TCP11L2: variants seen among roughly 807,000 people sequenced by gnomAD.
TCP11L2 encodes t-complex 11 like 2, also known as T-complex protein 11-like protein 2.
TCP11L2 carries 39 observed loss-of-function variants against 50.7 expected under a neutral mutation model. The ratio of observed to expected loss-of-function variants is 0.77; its 90% confidence interval spans 0.60 to 1.01. The LOEUF (loss-of-function observed/expected upper bound fraction) is 1.01, where lower values mean the gene tolerates loss of function less well. TCP11L2 is among the 50% of genes least tolerant of loss of function. The pLI, the probability that TCP11L2 is intolerant of heterozygous loss-of-function variation, is 0.00. For missense variants in TCP11L2, 612 were observed against 614.7 expected, an observed-to-expected ratio of 1.00 and a Z score of 0.05; for synonymous variants, 192 against 219.3, an observed-to-expected ratio of 0.88 and a Z score of 1.10.
chr12:106,340,822 A>G lies in TCP11L2; in HGVS notation c.1143-4A>G, dbSNP rs2036071552. On this transcript the variant is annotated splice_polypyrimidine_tract_variant and splice_region_variant and intron_variant, in intron 8 of 9. Transcript: ENST00000299045. Reference sequence around the variant, plus strand: ...CTGGTGGAATTTCATTTTATGTTTCATAGGACCTTTAACTTGAAGGAAGTC... The same window carrying G: ...CTGGTGGAATTTCATTTTATGTTTCGTAGGACCTTTAACTTGAAGGAAGTC... 1 of 1,580,766 alleles carries G rather than the reference A, an allele frequency of 6.3e-7. No individual in the cohort carries two copies. Among genetic ancestry groups the G allele is most frequent in the Non-Finnish European group, 8.6e-7 (1 of 1,169,286 alleles).
In TCP11L2 at chr12:106,321,647, C is replaced by G. The variant is rs368190626; in HGVS notation, c.576C>G (p.Pro192=). 3.1e-6 allele frequency: 5 copies of G among 1,614,000 alleles called. No homozygotes were observed. The African/African-American group carries it at 5.3e-5, about 17-fold the overall frequency. ...VISTMGKLCA[P]VRDNDIRELK... ...GTACGATGGGAAAGCTGTGTGCTCCCGTGCGAGATAATGATATCAGAGAGT... is the reference window on the plus strand; with the variant it reads ...GTACGATGGGAAAGCTGTGTGCTCCGGTGCGAGATAATGATATCAGAGAGT... The change falls in exon 5 of 10, where the codon CCC becomes CCG. Residue 192 remains proline, a synonymous_variant. Coordinates refer to ENST00000299045, the MANE Select transcript of TCP11L2 (RefSeq NM_152772.3).
intron 6 of TCP11L2, chr12:106,324,500 T>G (rs966688050): frequency 2.6e-5 from 4 of 152,206 alleles, no homozygotes; most frequent in African/African-American, 9.7e-5. Context: ...CGGTGGAAAC[T>G]CATCAGAGAG....
chr12:106,322,981 G>T (rs773872887), intron 5 of TCP11L2, among the ~76,000 whole-genome samples: 1 of 152,170 alleles, frequency 6.6e-6, no homozygotes, highest in Non-Finnish European at 1.5e-5. Context: ...CTCATTGACT[G>T]TTCACAACAT....
chr12:106,324,131 A>C (rs775266419), intron 6 of TCP11L2: 1 of 152,228 alleles, frequency 6.6e-6, no homozygotes, highest in Non-Finnish European at 1.5e-5. Flanking sequence ...TGTATTATTA[A>C]GTGCTATGAA....
upstream of TCP11L2, among the ~76,000 whole-genome samples, chr12:106,299,330 T>C (rs2034380459): frequency 6.6e-6 from 1 of 152,170 alleles, no homozygotes; most frequent in Non-Finnish European, 1.5e-5. Flanking sequence ...GAAACAGACA[T>C]AAGTTTCTTC....
At chr12:106,302,477 C>T (rs928741586), upstream of TCP11L2, among the ~76,000 whole-genome samples, 1 of 150,596 alleles carries the variant, frequency 6.6e-6, no homozygotes, top group Non-Finnish European at 1.5e-5. Flanking sequence ...CGGGCGCTCC[C>T]GTCGGCTCGG....
chr12:106,336,393 T>C (rs1054293190), intron 8 of TCP11L2, among the ~76,000 whole-genome samples, 180 bp downstream of exon 8: 1 of 152,062 alleles, frequency 6.6e-6, no homozygotes, highest in Admixed American at 6.6e-5. Flanking sequence ...TGTCCTCTCA[T>C]AGGAAGGGAG....
At chr12:106,309,225 C>T (rs1389881009) in intron 1 of TCP11L2, among the ~76,000 whole-genome samples, 1 of 152,184 alleles carries the variant, frequency 6.6e-6, no homozygotes. Context: ...TCTGTCTTCT[C>T]TCGCCTTCCC....
upstream of TCP11L2, among the ~76,000 whole-genome samples, chr12:106,298,126 C>T (rs1231346654): frequency 1.3e-5 from 2 of 152,152 alleles, no homozygotes; most frequent in African/African-American, 4.8e-5. Context: ...TAATTCAGTT[C>T]AGTGGAGTCA....
chr12:106,325,909 A>AC (rs1184880727), intron 6 of TCP11L2: 37 of 151,494 alleles, frequency 2.4e-4, no homozygotes, highest in African/African-American at 8.2e-4. Flanking sequence ...AAAAAAAAAA[A>AC]AAAACCCACA....
chr12:106,340,754 G>C, intron 8 of TCP11L2, 72 bp from the exon 9 acceptor site: 1 of 1,320,716 alleles, frequency 7.6e-7, no homozygotes, highest in Non-Finnish European at 1.0e-6. Context: ...TCTAAAACAA[G>C]TCTGTATATT....
At chr12:106,336,547 A>AT (rs11449901) in intron 8 of TCP11L2, among the ~76,000 whole-genome samples, 17,266 of 102,076 alleles carry the variant, frequency 0.17, 1,806 homozygotes, top group Non-Finnish European at 0.23. Flanking sequence ...GAATTGCGCA[A>AT]TTTTTTTTTT....
chr12:106,298,310 G>A (rs7132162), upstream of TCP11L2, among the ~76,000 whole-genome samples: 55,884 of 151,858 alleles, frequency 0.37, 10,650 homozygotes, highest in African/African-American at 0.43. Flanking sequence ...AGAGCTCACA[G>A]TAAAATTGAG....
chr12:106,328,606 T>G (rs2035637551), intron 6 of TCP11L2, among the ~76,000 whole-genome samples: 1 of 152,170 alleles, frequency 6.6e-6, no homozygotes, highest in African/African-American at 2.4e-5. Context: ...GTCTCCCAAA[T>G]CCAAGTCCAG....
intron 3 of TCP11L2, among the ~76,000 whole-genome samples, chr12:106,317,375 G>C (rs1443129244): frequency 6.6e-6 from 1 of 152,186 alleles, no homozygotes; most frequent in Non-Finnish European, 1.5e-5. Flanking sequence ...AATTAGCTGG[G>C]TGTGGCAGTG....
At chr12:106,312,482 A>C in intron 2 of TCP11L2, 1 of 1,031,290 alleles carries the variant, frequency 9.7e-7, no homozygotes, top group Non-Finnish European at 1.2e-6. Context: ...GTGTTGTTGC[A>C]TCTGACACCA....
chr12:106,306,810 T>G (rs1055929118), intron 1 of TCP11L2, among the ~76,000 whole-genome samples: 1 of 152,218 alleles, frequency 6.6e-6, no homozygotes, highest in Non-Finnish European at 1.5e-5. Context: ...AATGGCGAGT[T>G]CTCTGTTTCT....
Position 106,330,393 on chromosome 12 carries a change from G to T in TCP11L2, c.773-5246G>T, listed in dbSNP as rs7304824. The stretch of plus-strand genomic sequence containing the variant: ...CCACTGCCCCCGCCCCACAACATTT[G>T]GCCATGTCTGGAGACACTTGTATGT... On this transcript the variant is annotated intron_variant, in intron 6 of 9. Coordinates refer to ENST00000299045, the MANE Select transcript of TCP11L2 (RefSeq NM_152772.3). The T allele has an allele frequency of 4.9e-3, 4,179 of 854,052 alleles. 145 individuals are homozygous for T. The African/African-American group carries it at 0.071, about 15-fold the overall frequency. 52.9% of individuals were successfully genotyped at this position (854,052 alleles called of 1,614,324 possible).
chr12:106,322,733 ATTTAC>A (rs2035384691), intron 5 of TCP11L2, among the ~76,000 whole-genome samples: 1 of 152,156 alleles, frequency 6.6e-6, no homozygotes, highest in Non-Finnish European at 1.5e-5. Context: ...GTAGTGGGTA[ATTTAC>A]TTTGCAATCT....
Sources: allele counts gnomAD v4.1 joint callset (sites outside exome capture counted in the v4.1 genomes callset), GRCh38; gene constraint gnomAD v4.1.1; transcripts MANE v1.5; gene names NCBI Gene and HGNC (gene_info 2026-07-23, HGNC 2026-07-21).